The following PELI2 variants were observed in gnomAD, a reference collection of about 807,000 sequenced individuals.
The protein encoded by PELI2 is E3 ubiquitin-protein ligase pellino homolog 2.
In PELI2, 23 loss-of-function variants were observed where a neutral mutation model predicts 42.3. That is an observed-to-expected ratio of 0.54 (90% CI 0.39 to 0.77). PELI2 has a LOEUF of 0.77. Ranked by LOEUF, PELI2 falls within the 30% of genes least tolerant of loss-of-function variation. The pLI is 0.00. For missense variants in PELI2, 463 were observed against 553.2 expected (o/e 0.84, Z 1.64); for synonymous variants, 245 against 212.2 (o/e 1.15, Z -1.34).
intron 1 of PELI2, among the ~76,000 whole-genome samples, chr14:56,158,551 C>T (rs992201800): frequency 1.3e-4 from 19 of 151,718 alleles, no homozygotes; most frequent in Non-Finnish European, 2.9e-5. Flanking sequence ...GGTGGGGTTT[C>T]ACCATGTTGC....
At chr14:56,248,591 C>T (rs1707143502) in intron 2 of PELI2, among the ~76,000 whole-genome samples, 1 of 151,982 alleles carries the variant, frequency 6.6e-6, no homozygotes, top group Admixed American at 6.6e-5. Flanking sequence ...AGAAGGAAGG[C>T]ATGCAGGAGC....
intron 2 of PELI2, among the ~76,000 whole-genome samples, chr14:56,262,590 A>G (rs1176687843): frequency 1.3e-5 from 2 of 152,218 alleles, no homozygotes; most frequent in Non-Finnish European, 2.9e-5. Context: ...CATAGATAGA[A>G]TGTATTCTCA....
At chr14:56,236,552 T>C (rs189399970) in intron 2 of PELI2, among the ~76,000 whole-genome samples, 108 of 152,352 alleles carry the variant, frequency 7.1e-4, no homozygotes, top group African/African-American at 2.1e-3. Flanking sequence ...TTCTACTCTC[T>C]CTTGTTTTTG....
At chr14:56,222,785 G>A (rs1887193247) in intron 2 of PELI2, among the ~76,000 whole-genome samples, 1 of 152,234 alleles carries the variant, frequency 6.6e-6, no homozygotes, top group African/African-American at 2.4e-5. Context: ...GGCGCAGGGA[G>A]CTGAGTGCAG....
At chr14:56,189,409 A>C (rs1285244544) in intron 2 of PELI2, among the ~76,000 whole-genome samples, 1 of 152,218 alleles carries the variant, frequency 6.6e-6, no homozygotes, top group East Asian at 1.9e-4. Context: ...ATAGCTCTTC[A>C]AGCTTCCGCC....
At chr14:56,168,271 C>T (rs1435640466) in intron 1 of PELI2, among the ~76,000 whole-genome samples, 1 of 152,196 alleles carries the variant, frequency 6.6e-6, no homozygotes, top group Non-Finnish European at 1.5e-5. Context: ...GTGCCCCCCC[C>T]CAGACCCTGG....
chr14:56,251,113 T>G (rs1167578452), intron 2 of PELI2, among the ~76,000 whole-genome samples: 1 of 152,178 alleles, frequency 6.6e-6, no homozygotes. Context: ...ATTTCTGGAC[T>G]AAGTGGGCCA....
rs111561963 is a variant in PELI2, at chr14:56,125,416, A to AG, written c.77+6688dup. The stretch of plus-strand genomic sequence containing the variant: ...GGAGGAAGAGAGTTATTGGGTGGGC[A>AG]GGGGGGGGGTGAATTGGCAGGGTGA... On this transcript the variant is annotated intron_variant, in intron 1 of 5. Transcript: ENST00000267460. 5.4e-3 allele frequency among the ~76,000 whole-genome samples: 609 copies of AG among 112,142 alleles called. 3 individuals carry two copies. The highest frequency in any genetic ancestry group is 0.02 in the African/African-American group (525 of 26,620). 73.6% of individuals were successfully genotyped at this position (112,142 alleles called of 152,430 possible).
chr14:56,229,996 G>A (rs866410826), intron 2 of PELI2, among the ~76,000 whole-genome samples: 13 of 152,312 alleles, frequency 8.5e-5, no homozygotes, highest in African/African-American at 3.1e-4. Context: ...AAGACAGGGT[G>A]TCAGTGATTG....
At position 56,178,342 on chromosome 14, in the gene PELI2, G is replaced by A; in HGVS notation, c.85G>A (p.Gly29Ser). The change falls in exon 2 of 6, where the codon GGT (glycine) becomes AGT (serine). Residue 29 changes from glycine (G) to serine (S), a missense_variant. Around this residue, in one of 3 missense-constraint regions of PELI2, gnomAD observed 343 missense variants for 378.4 expected, o/e 0.91. Transcript: ENST00000267460. The part of the protein sequence containing the change: ...YGELVVLGYN[G>S]ALPNGDRGRR... ...TTTCCTCTCTGTTTCTAGGTACAAT[G>A]GTGCTTTACCCAATGGAGATAGAGG... The A allele has an allele frequency of 6.2e-7, 1 of 1,613,994 alleles. No individual in the cohort carries two copies. Among genetic ancestry groups the A allele is most frequent in the Non-Finnish European group, 8.5e-7 (1 of 1,179,912 alleles).
At chr14:56,229,302 G>C (rs1359474004) in intron 2 of PELI2, among the ~76,000 whole-genome samples, 3 of 152,246 alleles carry the variant, frequency 2.0e-5, no homozygotes, top group African/African-American at 7.2e-5. Flanking sequence ...CCTCAGTTGG[G>C]TCCCTGACCC....
At chr14:56,255,792 CTTA>C (rs1223355065) in intron 2 of PELI2, among the ~76,000 whole-genome samples, 1 of 152,102 alleles carries the variant, frequency 6.6e-6, no homozygotes. Context: ...CCACTCTAAT[CTTA>C]TTATGCAAAT....
Position 56,200,067 on chromosome 14 carries a change from C to A in PELI2, c.207+21603C>A, listed in dbSNP as rs12895296. On this transcript the variant is annotated intron_variant, in intron 2 of 5. Coordinates refer to ENST00000267460, the MANE Select transcript of PELI2 (RefSeq NM_021255.3). The stretch of plus-strand genomic sequence containing the variant: ...AGAGTTCTTACAATACAGGGAGCAA[C>A]GATTTAAAGACAGAATTCAAGGCCT... Among the ~76,000 whole-genome samples, 5 of 98,942 alleles carry A rather than the reference C, an allele frequency of 5.1e-5. 1 individual carries two copies. Among genetic ancestry groups the A allele is most frequent in the African/African-American group, 1.2e-4 (4 of 32,336 alleles). 64.9% of individuals were successfully genotyped at this position (98,942 alleles called of 152,430 possible).
intron 2 of PELI2, among the ~76,000 whole-genome samples, chr14:56,186,356 T>C (rs955260239): frequency 1.3e-5 from 2 of 152,190 alleles, no homozygotes; most frequent in African/African-American, 4.8e-5. Flanking sequence ...AGAACCTCCA[T>C]AGATGCTGCC....
intron 2 of PELI2, among the ~76,000 whole-genome samples, chr14:56,240,456 G>C (rs2139792129): frequency 6.6e-6 from 1 of 152,310 alleles, no homozygotes; most frequent in East Asian, 1.9e-4. Context: ...GGTTGTGTTA[G>C]TGATGTTAGC....
At chr14:56,146,418 G>A (rs1387706490) in intron 1 of PELI2, among the ~76,000 whole-genome samples, 2 of 152,208 alleles carry the variant, frequency 1.3e-5, no homozygotes, top group Non-Finnish European at 2.9e-5. Flanking sequence ...CCTTGGCGAT[G>A]CATTGGTTCA....
intron 2 of PELI2, among the ~76,000 whole-genome samples, chr14:56,262,028 C>T (rs945859174): frequency 6.6e-6 from 1 of 152,192 alleles, no homozygotes. Context: ...TTAGGGTTTA[C>T]CATTCAGCAT....
At chr14:56,133,546 C>T (rs1242130020) in intron 1 of PELI2, among the ~76,000 whole-genome samples, 3 of 152,248 alleles carry the variant, frequency 2.0e-5, no homozygotes, top group Non-Finnish European at 4.4e-5. Flanking sequence ...CCTGCCCAGG[C>T]AAGCTCGGGA....
intron 1 of PELI2, among the ~76,000 whole-genome samples, chr14:56,138,229 G>A (rs1053744970): frequency 6.6e-6 from 1 of 152,220 alleles, no homozygotes; most frequent in Non-Finnish European, 1.5e-5. Flanking sequence ...TTTCCATGAG[G>A]AGGTAAAAGT....
Sources: allele counts gnomAD v4.1 joint callset (sites outside exome capture counted in the v4.1 genomes callset), GRCh38; gene constraint gnomAD v4.1.1; regional missense constraint gnomAD v4.1.1; transcripts MANE v1.5; gene names NCBI Gene and HGNC (gene_info 2026-07-23, HGNC 2026-07-21).